SYNE1: variants seen among roughly 807,000 people sequenced by gnomAD.
SYNE1 encodes the protein spectrin repeat containing nuclear envelope protein 1.
Under a neutral mutation model 1,111.0 loss-of-function variants are expected in SYNE1, and 616 were observed. The ratio of observed to expected loss-of-function variants is 0.55; its 90% CI spans 0.52 to 0.59. The LOEUF (loss-of-function observed/expected upper bound fraction) is 0.59. Ranked by LOEUF, SYNE1 falls within the 20% of genes least tolerant of loss-of-function variation. SYNE1 has a pLI of 0.00. For missense variants in SYNE1, 10,006 were observed against 10,417.0 expected, an observed-to-expected ratio of 0.96 and a Z score of 1.72; for synonymous variants, 3,855 against 3,825.8, an observed-to-expected ratio of 1.01 and a Z score of -0.28.
intron 99 of SYNE1, among the ~76,000 whole-genome samples, chr6:152,268,719 C>T (rs922305429): frequency 9.2e-5 from 14 of 152,094 alleles, no homozygotes; most frequent in African/African-American, 2.9e-4. Flanking sequence ...CAACAATTAG[C>T]AATCCTATTT....
chr6:152,572,835 T>G (rs539256242), intron 3 of SYNE1, among the ~76,000 whole-genome samples: 6 of 152,320 alleles, frequency 3.9e-5, no homozygotes, highest in Admixed American at 3.9e-4. Context: ...GTTGATGTTT[T>G]CTGGGTCATT....
At chr6:152,318,817 A>C in intron 85 of SYNE1, 46 bp downstream of exon 85, 1 of 1,610,150 alleles carries the variant, frequency 6.2e-7, no homozygotes, top group South Asian at 1.1e-5. Context: ...GACTCCAAAA[A>C]CTATTTAATT....
chr6:152,462,706 AGG>A (rs1313084729), intron 20 of SYNE1, 30 bp downstream of exon 20: 1 of 1,613,508 alleles, frequency 6.2e-7, no homozygotes, highest in African/African-American at 1.3e-5. Context: ...ACAACAGAGT[AGG>A]CTTTTCATTT....
At chr6:152,375,176 TA>T (rs2154100626) in intron 58 of SYNE1, among the ~76,000 whole-genome samples, 1 of 152,152 alleles carries the variant, frequency 6.6e-6, no homozygotes, top group African/African-American at 2.4e-5. Flanking sequence ...CTCCTGATCT[TA>T]AGTGATCCAC....
chr6:152,141,092 G>T, intron 139 of SYNE1, 111 bp downstream of exon 139: 1 of 1,451,196 alleles, frequency 6.9e-7, no homozygotes, highest in Non-Finnish European at 9.6e-7. Flanking sequence ...AAGTTCTCAG[G>T]ATAGAACGGT....
rs751349867 is a variant in SYNE1 at position 152,439,817 on chromosome 6, G to A, written c.4149+1313C>T. On this transcript the variant is annotated intron_variant, in intron 32 of 145. Transcript: ENST00000367255. ...ATTCAGTCTTTCTATAAACCCCAAA[G>A]AGGCACCACAGGAACTTCAATGCTT... 3.3e-5 allele frequency among the ~76,000 whole-genome samples: 5 copies of A among 152,150 alleles called. 1 individual carries two copies. The highest frequency in any genetic ancestry group is 1.2e-4 in the African/African-American group (5 of 41,438).
At position 152,444,399 on chromosome 6, in the gene SYNE1, A is replaced by G. The variant is rs959023385; in HGVS notation, c.3837+12T>C. ...TTTACATAATCTTGTTGGAAGAAAG[A>G]GGCATTTTTACCTGGTGATGAAGAA... On this transcript the variant is annotated intron_variant, in intron 30 of 145. Transcript: ENST00000367255. 1 of 1,613,198 alleles carries G rather than the reference A, an allele frequency of 6.2e-7. No homozygotes were observed. The highest frequency in any genetic ancestry group is 1.3e-5 in the African/African-American group (1 of 74,908).
At chr6:152,183,418 T>C (rs1256637042) in intron 128 of SYNE1, among the ~76,000 whole-genome samples, 1 of 151,882 alleles carries the variant, frequency 6.6e-6, no homozygotes, top group Non-Finnish European at 1.5e-5. Flanking sequence ...CGGGCCAACA[T>C]AGTGAAACCC....
intron 98 of SYNE1, among the ~76,000 whole-genome samples, chr6:152,272,194 C>A (rs2093265205): frequency 6.6e-6 from 1 of 152,154 alleles, no homozygotes; most frequent in African/African-American, 2.4e-5. Context: ...AGGAAGCAAA[C>A]CATGATTAAG....
rs369178017 is a variant in SYNE1, at chr6:152,471,639, G to A, written c.1590C>T (p.Tyr530=). ...GCTGCTCCACTGACTCTCTCCTCCC[G>A]TACTTAATGATCCAAGACTTCAGCT... The part of the protein sequence containing the change: ...ESKLKSWIIK[Y]GRRESVEQLL... The change falls in exon 16 of 146, where the codon TAC becomes TAT. Residue 530 remains tyrosine (Y), a synonymous_variant. Coordinates refer to ENST00000367255, the MANE Select transcript of SYNE1 (RefSeq NM_182961.4). The A allele has an allele frequency of 7.4e-6, 12 of 1,613,848 alleles. No homozygotes were observed. The highest frequency in any genetic ancestry group is 1.7e-4 in the Middle Eastern group (1 of 6,060).
intron 127 of SYNE1, among the ~76,000 whole-genome samples, chr6:152,191,122 C>T (rs2072176738): frequency 6.6e-6 from 1 of 152,096 alleles, no homozygotes; most frequent in Non-Finnish European, 1.5e-5. Flanking sequence ...GGATAAATTC[C>T]ACTTGGTCAT....
In SYNE1 at chr6:152,318,979, C is replaced by T. The variant is rs148470155; in HGVS notation, c.16273G>A (p.Ala5425Thr). 1.2e-6 allele frequency: 2 copies of T among 1,614,032 alleles called. No individual in the cohort carries two copies. The highest frequency in any genetic ancestry group is 1.7e-6 in the Non-Finnish European group (2 of 1,180,032). ...DKIKEVEQSK[A>T]TSQELSRQIQ... ...TGCCGGCTGAGTTCCTGGCTCGTGG[C>T]CTTGCTCTGCTCAACTTCTTTTATT... The change falls in exon 85 of 146, where the codon GCC (alanine) becomes ACC (threonine). Residue 5425 changes from alanine (A) to threonine (T), a missense_variant. Physicochemically the swap from Ala to Thr is moderately conservative, Grantham distance 58 (BLOSUM62 0). Transcript: ENST00000367255.
intron 120 of SYNE1, 35 bp from the exon 121 acceptor site, chr6:152,218,438 A>T (rs1588069347): frequency 2.7e-5 from 5 of 188,246 alleles, no homozygotes; most frequent in Non-Finnish European, 3.2e-5. Flanking sequence ...TATTTCAGTT[A>T]AAAAAAAAAA....
Position 152,221,472 on chromosome 6 carries a change from G to A in SYNE1, c.21610C>T (p.Pro7204Ser). ...GTATTGGTAAGAGTTTCTGTCACGG[G>A]TGGGTGACACTCTTTTAATAATTGG... ...TNQLLKECHP[P>S]VTETLTNTLK... Residue 7204 changes from proline (P) to serine (S), a missense_variant, in exon 118 of 146, where the codon CCC becomes TCC. This residue lies in a region of SYNE1 where 2,182 missense variants were observed against 2,287.8 expected (regional missense o/e 0.95). Coordinates refer to ENST00000367255, the MANE Select transcript of SYNE1 (RefSeq NM_182961.4). The A allele has an allele frequency of 6.2e-7, 1 of 1,613,868 alleles. No individual in the cohort carries two copies. The highest frequency in any genetic ancestry group is 8.5e-7 in the Non-Finnish European group (1 of 1,179,926).
At chr6:152,393,999 C>T (rs977388484) in intron 51 of SYNE1, among the ~76,000 whole-genome samples, 2 of 152,038 alleles carry the variant, frequency 1.3e-5, no homozygotes, top group African/African-American at 4.8e-5. Context: ...CTGACAGGTC[C>T]CGTTGTGTGA....
intron 62 of SYNE1, among the ~76,000 whole-genome samples, chr6:152,366,598 T>C (rs1159160641): frequency 6.6e-6 from 1 of 152,196 alleles, no homozygotes; most frequent in East Asian, 1.9e-4. Context: ...TTCTGCACGG[T>C]TCCACTCCTG....
At chr6:152,570,237 AAC>A (rs1319520114) in intron 3 of SYNE1, among the ~76,000 whole-genome samples, 1 of 152,218 alleles carries the variant, frequency 6.6e-6, no homozygotes, top group Non-Finnish European at 1.5e-5. Flanking sequence ...TAAAAGTTAA[AAC>A]AGTTTATTTC....
Position 152,235,982 on chromosome 6 carries a change from G to C in SYNE1, c.20396+125C>G, listed in dbSNP as rs1588425621. 4.8e-6 allele frequency: 5 copies of C among 1,035,566 alleles called. No homozygotes were observed. The East Asian group carries it at 9.9e-5, about 20-fold the overall frequency. 64.1% of individuals were successfully genotyped at this position (1,035,566 alleles called of 1,614,324 possible). ...GGTCTTGAACTCCTGGCCTCAAGCA[G>C]TCCTCCCGTATTGGCCACCCAAGTA... On this transcript the variant is annotated intron_variant, in intron 110 of 145. Transcript: ENST00000367255.
At chr6:152,467,092 A>T (rs2098774346) in intron 16 of SYNE1, among the ~76,000 whole-genome samples, 1 of 152,126 alleles carries the variant, frequency 6.6e-6, no homozygotes, top group African/African-American at 2.4e-5. Context: ...ATAACATTTT[A>T]AAAATTGTAT....
Sources: gnomAD v4.1 joint callset for allele counts (sites outside exome capture counted in the v4.1 genomes callset) on GRCh38, gnomAD v4.1.1 for gene constraint, gnomAD v4.1.1 regional missense constraint, MANE v1.5 for transcripts, NCBI Gene and HGNC (gene_info 2026-07-23, HGNC 2026-07-21) for gene names.